RAP1GDS1: variants seen among roughly 807,000 people sequenced by gnomAD.
RAP1GDS1 encodes the protein Rap1 GTPase-GDP dissociation stimulator 1, also known as RAP1, GTP-GDP dissociation stimulator 1.
In RAP1GDS1, 35 loss-of-function variants were observed where a neutral mutation model predicts 71.1. The ratio of observed to expected loss-of-function variants is 0.49; its 90% CI spans 0.38 to 0.65. The LOEUF (loss-of-function observed/expected upper bound fraction) is 0.65, where lower values mean the gene tolerates loss of function less well. Among genes scored for constraint, RAP1GDS1 ranks in the 30% least tolerant of loss-of-function variants. The pLI is 0.00. For missense variants in RAP1GDS1, 663 were observed against 706.1 expected (o/e 0.94, Z 0.69); for synonymous variants, 229 against 243.1 (o/e 0.94, Z 0.54).
intron 4 of RAP1GDS1, among the ~76,000 whole-genome samples, chr4:98,367,367 C>G (rs4699341): frequency 0.067 from 10,160 of 152,304 alleles, 392 homozygotes; most frequent in Admixed American, 0.14. Flanking sequence ...AAGTTTGCTT[C>G]AGGGGTGGGA....
intron 2 of RAP1GDS1, among the ~76,000 whole-genome samples, chr4:98,297,632 G>A (rs934981317): frequency 5.9e-5 from 9 of 152,076 alleles, no homozygotes; most frequent in African/African-American, 2.2e-4. Flanking sequence ...TAAATATTGT[G>A]TCTGTCTGAC....
In RAP1GDS1 at chr4:98,429,480, CTT is replaced by C. The variant is rs1750096076; in HGVS notation, c.1441-4454_1441-4453del. On this transcript the variant is annotated intron_variant, in intron 12 of 14. Transcript: ENST00000408927. ...AAAGACATAAGAATGACACAACAGA[CTT>C]TGGGGACTTAGGGGTAAAGGGTGGG... 2.0e-5 allele frequency among the ~76,000 whole-genome samples: 3 copies of C among 151,970 alleles called. No individual in the cohort carries two copies. In the South Asian group the frequency reaches 6.2e-4, roughly 32 times the overall value.
At chr4:98,375,640 T>C (rs1741061978) in intron 4 of RAP1GDS1, among the ~76,000 whole-genome samples, 1 of 152,180 alleles carries the variant, frequency 6.6e-6, no homozygotes, top group South Asian at 2.1e-4. Context: ...AGTGACAGTT[T>C]TTAAAAATCA....
chr4:98,324,325 C>T (rs1193763181), intron 2 of RAP1GDS1, among the ~76,000 whole-genome samples: 13 of 152,122 alleles, frequency 8.5e-5, no homozygotes, highest in South Asian at 8.3e-4. Flanking sequence ...GAATCAATAT[C>T]GTGAAAATGG....
chr4:98,354,029 T>C (rs1737590104), intron 4 of RAP1GDS1, among the ~76,000 whole-genome samples: 1 of 151,844 alleles, frequency 6.6e-6, no homozygotes. Context: ...TGTTTGTTAC[T>C]GGAATTTAAG....
chr4:98,359,640 C>G (rs890798076), intron 4 of RAP1GDS1, among the ~76,000 whole-genome samples: 1 of 152,102 alleles, frequency 6.6e-6, no homozygotes, highest in African/African-American at 2.4e-5. Context: ...TGGTAGAGAT[C>G]TTGATTGTGC....
chr4:98,293,483 T>C lies in RAP1GDS1; in HGVS notation c.80T>C (p.Leu27Ser), dbSNP rs754136751. The C allele has an allele frequency of 1.2e-6, 2 of 1,609,664 alleles. No individual in the cohort carries two copies. The highest frequency in any genetic ancestry group is 1.7e-6 in the Non-Finnish European group (2 of 1,178,362). The part of the protein sequence containing the change: ...DKTEDSLEGC[L>S]DCLLQALAQN... ...ACTGAGGATAGTTTAGAAGGATGCT[T>C]GGATTGTCTGCTTCAAGCCCTGGCT... The change falls in exon 2 of 15, where the codon TTG becomes TCG. Residue 27 changes from leucine to serine, a missense_variant. Physicochemically the swap from Leu to Ser is moderately radical, Grantham distance 145 (BLOSUM62 -2). Coordinates refer to ENST00000408927, the MANE Select transcript of RAP1GDS1 (RefSeq NM_001100427.2).
rs1002494030 is a variant in RAP1GDS1, at chr4:98,443,414, A to G, written c.*1297A>G. ...AAACACAATCTTTGTAAATTAATCA[A>G]AACCTCCCTGTGACCCACCTGCCTT... On this transcript the variant is annotated 3_prime_UTR_variant, in exon 15 of 15. Transcript: ENST00000408927. The G allele has an allele frequency of 1.7e-4, 40 of 230,776 alleles. No homozygotes were observed. Among genetic ancestry groups the G allele is most frequent in the Non-Finnish European group, 1.9e-4 (22 of 116,602 alleles). The allele number at this position is 230,776 out of a possible 1,614,324, so 14.3% of individuals were successfully genotyped here.
chr4:98,263,188 T>G (rs1321579382), intron 1 of RAP1GDS1, among the ~76,000 whole-genome samples: 1 of 152,046 alleles, frequency 6.6e-6, no homozygotes, highest in African/African-American at 2.4e-5. Context: ...CAGATAAGTG[T>G]GTGTATGTTC....
At chr4:98,308,425 G>T (rs1039148687) in intron 2 of RAP1GDS1, among the ~76,000 whole-genome samples, 3 of 148,888 alleles carry the variant, frequency 2.0e-5, no homozygotes, top group Admixed American at 6.8e-5. Context: ...AGCCATGATT[G>T]TGCCACTGCA....
Position 98,357,314 on chromosome 4 carries a change from T to C in RAP1GDS1, c.361+4713T>C, listed in dbSNP as rs76625145. Among the ~76,000 whole-genome samples the C allele has an allele frequency of 7.9e-3, 1,205 of 152,040 alleles. 15 individuals carry two copies. Among genetic ancestry groups the C allele is most frequent in the African/African-American group, 0.028 (1,153 of 41,546 alleles). On this transcript the variant is annotated intron_variant, in intron 4 of 14. Transcript: ENST00000408927. ...TTTTAGAATAAAATAGAATTATCAGTCAGTAAGTAGCGTAAAAATAAGATT... is the reference window on the plus strand; with the variant it reads ...TTTTAGAATAAAATAGAATTATCAGCCAGTAAGTAGCGTAAAAATAAGATT...
intron 6 of RAP1GDS1, among the ~76,000 whole-genome samples, chr4:98,402,635 G>A (rs1030513165): frequency 6.6e-5 from 10 of 152,178 alleles, no homozygotes; most frequent in Admixed American, 5.9e-4. Context: ...GATCAAAACT[G>A]TATTTAACCA....
intron 4 of RAP1GDS1, among the ~76,000 whole-genome samples, chr4:98,377,947 T>G (rs1166250337): frequency 6.6e-6 from 1 of 151,862 alleles, no homozygotes; most frequent in East Asian, 1.9e-4. Flanking sequence ...CACTTGGATT[T>G]TGAAGATATA....
intron 14 of RAP1GDS1, 54 bp downstream of exon 14, chr4:98,437,122 TTAAATA>T (rs1322918299): frequency 1.4e-6 from 2 of 1,462,872 alleles, no homozygotes; most frequent in East Asian, 2.4e-5. Context: ...ACATTAAATA[TTAAATA>T]TAGAGTAATA....
chr4:98,437,851 G>A (rs1235279716), intron 14 of RAP1GDS1, among the ~76,000 whole-genome samples: 1 of 151,146 alleles, frequency 6.6e-6, no homozygotes, highest in Non-Finnish European at 1.5e-5. Context: ...TATGGACATT[G>A]GCATATCTTG....
intron 12 of RAP1GDS1, among the ~76,000 whole-genome samples, chr4:98,429,635 G>A (rs76876747): frequency 0.14 from 22,039 of 152,040 alleles, 2,347 homozygotes; most frequent in African/African-American, 0.3. Context: ...CTGTTCCCCA[G>A]TAACCTATGG....
At chr4:98,385,523 C>CA (rs1742615912) in intron 5 of RAP1GDS1, among the ~76,000 whole-genome samples, 1 of 151,858 alleles carries the variant, frequency 6.6e-6, no homozygotes, top group South Asian at 2.1e-4. Context: ...AAAGTCCATT[C>CA]AGAGAGGCGC....
intron 14 of RAP1GDS1, among the ~76,000 whole-genome samples, chr4:98,439,464 A>C (rs1307895983): frequency 6.6e-6 from 1 of 152,184 alleles, no homozygotes; most frequent in African/African-American, 2.4e-5. Context: ...TCTTTTGCTA[A>C]ATTTGAGAAG....
At chr4:98,370,965 G>A (rs1740285364) in intron 4 of RAP1GDS1, among the ~76,000 whole-genome samples, 1 of 152,146 alleles carries the variant, frequency 6.6e-6, no homozygotes, top group African/African-American at 2.4e-5. Flanking sequence ...TGTGTCTACT[G>A]TACCTGACAC....
Sources: gnomAD v4.1 joint callset for allele counts (sites outside exome capture counted in the v4.1 genomes callset) on GRCh38, gnomAD v4.1.1 for gene constraint, MANE v1.5 for transcripts, NCBI Gene and HGNC (gene_info 2026-07-23, HGNC 2026-07-21) for gene names.